Variants in HYCC1 observed in about 807,000 individuals in gnomAD.
HYCC1 encodes hyccin PI4KA lipid kinase complex subunit 1.
the HYCC1 span, among the ~76,000 whole-genome samples, chr7:22,948,007 G>T: frequency 6.6e-6 from 1 of 152,036 alleles, no homozygotes; most frequent in Admixed American, 6.6e-5. Context: ...TTCGTTGTCA[G>T]CCCTTTATCT....
the HYCC1 span, among the ~76,000 whole-genome samples, chr7:22,929,512 C>T: frequency 3.3e-5 from 5 of 152,088 alleles, no homozygotes; most frequent in Admixed American, 2.0e-4. Flanking sequence ...AACAAACAAC[C>T]GCATCAAAAA....
chr7:22,924,195 A>AAAAAAG, the HYCC1 span, among the ~76,000 whole-genome samples: 2 of 136,610 alleles, frequency 1.5e-5, no homozygotes, highest in African/African-American at 2.7e-5. Flanking sequence ...AAAAAAAAAA[A>AAAAAAG]GGGGGGTGGA....
the HYCC1 span, among the ~76,000 whole-genome samples, chr7:22,899,306 C>G: frequency 1.3e-5 from 2 of 152,278 alleles, no homozygotes; most frequent in East Asian, 3.9e-4. Context: ...CGTGGCCCAA[C>G]TCCAAGGAAG....
chr7:22,969,305 G>A, the HYCC1 span, among the ~76,000 whole-genome samples: 52,946 of 151,152 alleles, frequency 0.35, 9,327 homozygotes, highest in East Asian at 0.48. Flanking sequence ...CTCCCACACC[G>A]CACCTGTTTA....
the HYCC1 span, among the ~76,000 whole-genome samples, chr7:22,929,984 C>CAT: frequency 6.6e-6 from 1 of 151,976 alleles, no homozygotes; most frequent in Non-Finnish European, 1.5e-5. Flanking sequence ...AAATGTGGTA[C>CAT]ATATACACCA....
the HYCC1 span, among the ~76,000 whole-genome samples, chr7:22,986,144 C>G: frequency 2.0e-5 from 3 of 151,936 alleles, no homozygotes; most frequent in Non-Finnish European, 4.4e-5. Flanking sequence ...CTGTGAAACA[C>G]CCAAAGGCAA....
chr7:22,918,918 C>T, the HYCC1 span, among the ~76,000 whole-genome samples: 33 of 152,176 alleles, frequency 2.2e-4, no homozygotes, highest in East Asian at 5.0e-3. Flanking sequence ...TTCACATGGA[C>T]GCATGTGACA....
chr7:22,920,116 C>T, the HYCC1 span, among the ~76,000 whole-genome samples: 8 of 152,034 alleles, frequency 5.3e-5, no homozygotes, highest in African/African-American at 1.9e-4. Flanking sequence ...TAGCTTGAAC[C>T]CAGGAGTTTG....
the HYCC1 span, among the ~76,000 whole-genome samples, chr7:22,914,450 C>T: frequency 6.6e-6 from 1 of 152,200 alleles, no homozygotes; most frequent in East Asian, 1.9e-4. Flanking sequence ...TCAACTCTCG[C>T]CTGACCTAAA....
At chr7:22,984,865 A>C in the HYCC1 span, among the ~76,000 whole-genome samples, 2 of 152,224 alleles carry the variant, frequency 1.3e-5, no homozygotes, top group African/African-American at 4.8e-5. Flanking sequence ...ATGCCATTTA[A>C]AATACAGACA....
At chr7:22,931,039 G>A in the HYCC1 span, among the ~76,000 whole-genome samples, 5 of 151,974 alleles carry the variant, frequency 3.3e-5, no homozygotes, top group Non-Finnish European at 5.9e-5. Flanking sequence ...GCATCATAAC[G>A]TGAAAGACAG....
the HYCC1 span, among the ~76,000 whole-genome samples, chr7:22,924,740 G>A: frequency 2.0e-5 from 3 of 152,268 alleles, no homozygotes; most frequent in Admixed American, 6.5e-5. Flanking sequence ...TGCCTCTGTA[G>A]GCTCCACCTC....
chr7:22,945,998 C>A, the HYCC1 span: 9 of 1,613,760 alleles, frequency 5.6e-6, no homozygotes, highest in Non-Finnish European at 6.8e-6. Context: ...AGTTTTGCTT[C>A]CTCCTGACCG....
chr7:22,919,634 T>C, the HYCC1 span, among the ~76,000 whole-genome samples: 1 of 150,666 alleles, frequency 6.6e-6, no homozygotes, highest in South Asian at 2.1e-4. Context: ...ATGGAAATAC[T>C]GGAATTGAAA....
chr7:22,998,731 CT>C, the HYCC1 span, among the ~76,000 whole-genome samples: 4 of 152,132 alleles, frequency 2.6e-5, no homozygotes, highest in African/African-American at 9.7e-5. Flanking sequence ...AGCCTTCTGG[CT>C]CCTGATTTCT....
chr7:22,951,031 T>G, the HYCC1 span, among the ~76,000 whole-genome samples: 2 of 151,876 alleles, frequency 1.3e-5, no homozygotes, highest in African/African-American at 4.8e-5. Context: ...CATGTAGAAA[T>G]GAAAGTTAAA....
At chr7:22,917,041 T>C in the HYCC1 span, among the ~76,000 whole-genome samples, 11 of 152,312 alleles carry the variant, frequency 7.2e-5, no homozygotes, top group African/African-American at 1.7e-4. Context: ...GCTGGAGTCA[T>C]TCACTGCTAG....
the HYCC1 span, among the ~76,000 whole-genome samples, chr7:22,998,367 G>A: frequency 6.6e-6 from 1 of 152,038 alleles, no homozygotes; most frequent in Non-Finnish European, 1.5e-5. Flanking sequence ...ATTTCTTTTA[G>A]ATAAGAGCAG....
At chr7:22,961,418 C>T in the HYCC1 span, 2 of 701,694 alleles carry the variant, frequency 2.9e-6, no homozygotes, top group African/African-American at 3.7e-5. Context: ...AATAAAAGAT[C>T]ATATTAGCAC....
Sources: allele counts gnomAD v4.1 joint callset (sites outside exome capture counted in the v4.1 genomes callset), GRCh38; gene constraint gnomAD v4.1.1; transcripts MANE v1.5; gene names NCBI Gene and HGNC (gene_info 2026-07-23, HGNC 2026-07-21).